RAB3C: variants seen among roughly 807,000 people sequenced by gnomAD.
RAB3C encodes ras-related protein Rab-3C.
RAB3C carries 17 observed loss-of-function variants against 26.4 expected under a neutral mutation model. That is an observed-to-expected ratio of 0.64 (90% CI 0.44 to 0.97). The LOEUF is 0.97. Ranked by LOEUF, RAB3C falls within the 50% of genes least tolerant of loss-of-function variation. RAB3C has a pLI of 0.00. For synonymous variants in RAB3C, 91 were observed against 95.9 expected, an observed-to-expected ratio of 0.95 and a Z score of 0.30; for missense variants, 242 against 281.9, an observed-to-expected ratio of 0.86 and a Z score of 1.01.
At chr5:58,825,453 A>G (rs1226735831) in intron 4 of RAB3C, among the ~76,000 whole-genome samples, 1 of 152,098 alleles carries the variant, frequency 6.6e-6, no homozygotes, top group Non-Finnish European at 1.5e-5. Flanking sequence ...CTTGTCCGTT[A>G]TTTTTGGTTT....
chr5:58,796,777 AC>A (rs1742660929), intron 3 of RAB3C, among the ~76,000 whole-genome samples: 1 of 152,012 alleles, frequency 6.6e-6, no homozygotes, highest in Admixed American at 6.6e-5. Context: ...GGAGCAAGAG[AC>A]CTTTTCCTCT....
Position 58,859,190 on chromosome 5 carries a change from C to A in RAB3C, c.*7839C>A, listed in dbSNP as rs1271885042. 1 of 152,180 alleles carries A rather than the reference C, an allele frequency of 6.6e-6. No homozygotes were observed. Among genetic ancestry groups the A allele is most frequent in the Non-Finnish European group, 1.5e-5 (1 of 68,030 alleles). The allele number at this position is 152,180 out of a possible 1,614,324, so 9.4% of individuals were successfully genotyped here. On this transcript the variant is annotated 3_prime_UTR_variant, in exon 5 of 5. Transcript: ENST00000282878. ...GTGACTCTTCATGTGTCCACAGGAG[C>A]TCTTGTGTGGGTTTAAAGCTATGAA...
At chr5:58,737,765 T>C (rs189451437) in intron 3 of RAB3C, among the ~76,000 whole-genome samples, 1 of 152,120 alleles carries the variant, frequency 6.6e-6, no homozygotes, top group Non-Finnish European at 1.5e-5. Context: ...CAGATCATTA[T>C]GATGAAAACA....
intron 2 of RAB3C, among the ~76,000 whole-genome samples, chr5:58,675,716 C>T (rs1208747872): frequency 6.7e-6 from 1 of 150,294 alleles, no homozygotes; most frequent in Non-Finnish European, 1.5e-5. Flanking sequence ...TTGCACAAAG[C>T]ATTACATTGG....
intron 2 of RAB3C, among the ~76,000 whole-genome samples, chr5:58,668,204 C>A (rs1007031487): frequency 6.6e-5 from 10 of 152,154 alleles, no homozygotes; most frequent in Non-Finnish European, 1.5e-4. Context: ...TCTGTGCTGT[C>A]ATGTTCCTTC....
At chr5:58,667,453 A>G (rs988350545) in intron 2 of RAB3C, among the ~76,000 whole-genome samples, 5 of 152,168 alleles carry the variant, frequency 3.3e-5, no homozygotes, top group Non-Finnish European at 7.4e-5. Flanking sequence ...GCATTAGGAC[A>G]AAAGCCAAAT....
intron 2 of RAB3C, among the ~76,000 whole-genome samples, chr5:58,669,238 C>G (rs979484859): frequency 6.6e-6 from 1 of 152,048 alleles, no homozygotes; most frequent in African/African-American, 2.4e-5. Context: ...CAATGAGTAA[C>G]TTTCAAATGT....
chr5:58,787,251 G>T (rs1742413069), intron 3 of RAB3C, among the ~76,000 whole-genome samples: 1 of 152,134 alleles, frequency 6.6e-6, no homozygotes, highest in Non-Finnish European at 1.5e-5. Flanking sequence ...AGTTCCTTAC[G>T]ATTTCCACGG....
At chr5:58,739,574 A>T (rs370791092) in intron 3 of RAB3C, among the ~76,000 whole-genome samples, 2 of 152,334 alleles carry the variant, frequency 1.3e-5, no homozygotes, top group Admixed American at 1.3e-4. Context: ...AAAACAGCAC[A>T]ACATTAGACA....
At chr5:58,726,914 C>T (rs1224127035) in intron 3 of RAB3C, among the ~76,000 whole-genome samples, 1 of 151,890 alleles carries the variant, frequency 6.6e-6, no homozygotes, top group African/African-American at 2.4e-5. Context: ...AAGCACAGGG[C>T]TAAAGAGGAC....
chr5:58,593,974 A>G (rs1415357229), intron 1 of RAB3C, among the ~76,000 whole-genome samples: 2 of 152,182 alleles, frequency 1.3e-5, no homozygotes, highest in Non-Finnish European at 2.9e-5. Context: ...TGCGAAAAAC[A>G]TGGAATCATA....
chr5:58,842,960 A>G (rs1743906933), intron 4 of RAB3C, among the ~76,000 whole-genome samples: 1 of 152,198 alleles, frequency 6.6e-6, no homozygotes, highest in Admixed American at 6.5e-5. Context: ...CACTGCCAAA[A>G]TATAAGAAGA....
At chr5:58,736,487 C>T (rs983722336) in intron 3 of RAB3C, among the ~76,000 whole-genome samples, 34 of 152,164 alleles carry the variant, frequency 2.2e-4, no homozygotes, top group African/African-American at 7.5e-4. Flanking sequence ...CTGAGCAGCC[C>T]GCTCTGCCTC....
At chr5:58,798,552 C>A (rs1242970558) in intron 3 of RAB3C, among the ~76,000 whole-genome samples, 1 of 152,166 alleles carries the variant, frequency 6.6e-6, no homozygotes, top group East Asian at 1.9e-4. Context: ...CCACACCTGA[C>A]CTCATTTGAT....
intron 2 of RAB3C, among the ~76,000 whole-genome samples, chr5:58,664,342 A>G (rs1314813903): frequency 2.0e-5 from 3 of 152,216 alleles, no homozygotes; most frequent in Non-Finnish European, 4.4e-5. Flanking sequence ...TCTTCAGGGA[A>G]TTATGCTGAG....
intron 3 of RAB3C, chr5:58,815,905 A>T (rs1440885194): frequency 1.3e-5 from 2 of 152,240 alleles, no homozygotes; most frequent in Admixed American, 1.3e-4. Flanking sequence ...ACTAACCCAG[A>T]GGAAGATGGA....
At chr5:58,702,456 C>T (rs1263177117) in intron 2 of RAB3C, among the ~76,000 whole-genome samples, 2 of 152,192 alleles carry the variant, frequency 1.3e-5, no homozygotes, top group African/African-American at 2.4e-5. Flanking sequence ...CAAAACATTA[C>T]TTTCTTTAGA....
At chr5:58,588,149 A>G (rs1481462604) in intron 1 of RAB3C, among the ~76,000 whole-genome samples, 1 of 152,186 alleles carries the variant, frequency 6.6e-6, no homozygotes, top group Non-Finnish European at 1.5e-5. Context: ...GATACTAAGA[A>G]TAAGGCTATA....
intron 3 of RAB3C, among the ~76,000 whole-genome samples, chr5:58,754,762 A>AG (rs1480789691): frequency 6.6e-6 from 1 of 152,214 alleles, no homozygotes; most frequent in Non-Finnish European, 1.5e-5. Flanking sequence ...GGCACAAAAA[A>AG]GAGTAACAAA....
Sources: gnomAD v4.1 joint callset for allele counts (sites outside exome capture counted in the v4.1 genomes callset) on GRCh38, gnomAD v4.1.1 for gene constraint, MANE v1.5 for transcripts, NCBI Gene and HGNC (gene_info 2026-07-23, HGNC 2026-07-21) for gene names.